HMBOX1: variants seen among roughly 807,000 people sequenced by gnomAD.
HMBOX1 encodes homeobox containing 1, also known as homeobox-containing protein 1.
HMBOX1 carries 14 observed loss-of-function variants against 54.5 expected under a neutral mutation model. The ratio of observed to expected loss-of-function variants is 0.26; its 90% CI spans 0.17 to 0.40. The LOEUF is 0.40. Among genes scored for constraint, HMBOX1 ranks in the 10% least tolerant of loss-of-function variants. The probability of loss-of-function intolerance (pLI) is 1.00; values close to 1 mark genes in which losing one functional copy is unlikely to be tolerated. For synonymous variants in HMBOX1, 160 were observed against 181.0 expected (o/e 0.88, Z 0.93); for missense variants, 332 against 514.4 (o/e 0.65, Z 3.43).
At chr8:28,959,608 A>G (rs1220157912) in intron 1 of HMBOX1, among the ~76,000 whole-genome samples, 2 of 152,146 alleles carry the variant, frequency 1.3e-5, no homozygotes, top group Non-Finnish European at 2.9e-5. Context: ...GATCTTTTAC[A>G]TTTAATTTTT....
intron 6 of HMBOX1, among the ~76,000 whole-genome samples, chr8:29,041,211 G>A (rs375583776): frequency 9.2e-5 from 14 of 152,242 alleles, no homozygotes; most frequent in East Asian, 7.7e-4. Context: ...CCAAGAAAAA[G>A]TGAAAATCAT....
chr8:28,973,216 G>A (rs1459701732), intron 3 of HMBOX1, among the ~76,000 whole-genome samples: 1 of 152,116 alleles, frequency 6.6e-6, no homozygotes, highest in East Asian at 1.9e-4. Flanking sequence ...AAACCATGAT[G>A]TGAGGTTGAT....
intron 6 of HMBOX1, among the ~76,000 whole-genome samples, chr8:29,033,978 T>G (rs536897101): frequency 2.7e-4 from 41 of 152,330 alleles, no homozygotes; most frequent in African/African-American, 9.6e-4. Context: ...TTTATTGAGC[T>G]TCTACTTTGT....
intron 1 of HMBOX1, among the ~76,000 whole-genome samples, chr8:28,921,335 C>G (rs1252665875): frequency 6.6e-6 from 1 of 152,170 alleles, no homozygotes; most frequent in East Asian, 1.9e-4. Context: ...GACCCTGTCT[C>G]AATCATACCT....
intron 1 of HMBOX1, among the ~76,000 whole-genome samples, chr8:28,946,205 G>A (rs1194322608): frequency 2.0e-5 from 3 of 151,440 alleles, no homozygotes; most frequent in Non-Finnish European, 4.4e-5. Flanking sequence ...CACCCGCCTC[G>A]GCTTCCCAAA....
In HMBOX1 at chr8:28,986,631, G is replaced by C. The variant is rs186060711; in HGVS notation, c.586+6475G>C. Among the ~76,000 whole-genome samples the C allele has an allele frequency of 5.9e-5, 9 of 152,238 alleles. No homozygotes were observed. In the East Asian group the frequency reaches 1.7e-3, roughly 29 times the overall value. ...GGAAGAGGTTTAGAGTTTTTGTTAG[G>C]AGAAACCTTTTCAAATCTTCTTTGA... On this transcript the variant is annotated intron_variant, in intron 4 of 9. Transcript: ENST00000287701.
chr8:28,896,810 C>T (rs73239195), intron 1 of HMBOX1, among the ~76,000 whole-genome samples: 3,801 of 152,204 alleles, frequency 0.025, 159 homozygotes, highest in Admixed American at 0.12. Context: ...CCTAATGGTG[C>T]GTTTCTCAGA....
At chr8:29,044,093 A>G (rs1805232591) in intron 6 of HMBOX1, among the ~76,000 whole-genome samples, 1 of 152,164 alleles carries the variant, frequency 6.6e-6, no homozygotes, top group Non-Finnish European at 1.5e-5. Flanking sequence ...CAGTGAAGCC[A>G]TGCCCTCCAA....
intron 4 of HMBOX1, among the ~76,000 whole-genome samples, chr8:28,993,309 C>T (rs1292477838): frequency 6.6e-6 from 1 of 152,010 alleles, no homozygotes; most frequent in Non-Finnish European, 1.5e-5. Context: ...GATATACATA[C>T]TCTTGTATGA....
chr8:28,908,622 G>GC (rs1395235397), intron 1 of HMBOX1, among the ~76,000 whole-genome samples: 1 of 152,134 alleles, frequency 6.6e-6, no homozygotes, highest in Non-Finnish European at 1.5e-5. Flanking sequence ...GGGCATGGTG[G>GC]CGCATGCCTG....
intron 1 of HMBOX1, among the ~76,000 whole-genome samples, chr8:28,953,765 T>C (rs1324274877): frequency 6.6e-6 from 1 of 152,202 alleles, no homozygotes; most frequent in Non-Finnish European, 1.5e-5. Context: ...AGATTGGCCA[T>C]GATTTGCTAA....
intron 4 of HMBOX1, among the ~76,000 whole-genome samples, 188 bp downstream of exon 4, chr8:28,980,344 T>G (rs975518377): frequency 6.6e-6 from 1 of 152,238 alleles, no homozygotes; most frequent in Non-Finnish European, 1.5e-5. Context: ...TTTTTTTGAC[T>G]TGTGCTAGTA....
intron 3 of HMBOX1, among the ~76,000 whole-genome samples, chr8:28,975,891 G>A (rs1458997966): frequency 2.0e-5 from 3 of 152,092 alleles, no homozygotes; most frequent in Non-Finnish European, 4.4e-5. Flanking sequence ...CTACCAAAGT[G>A]GTGATTTCAT....
chr8:28,966,498 A>G (rs894252603), intron 2 of HMBOX1, among the ~76,000 whole-genome samples: 16 of 152,164 alleles, frequency 1.1e-4, no homozygotes, highest in Admixed American at 2.6e-4. Context: ...CTTACATGTT[A>G]TCTTTTTCTG....
intron 2 of HMBOX1, among the ~76,000 whole-genome samples, chr8:28,967,167 G>T (rs1188158465): frequency 6.6e-6 from 1 of 152,170 alleles, no homozygotes; most frequent in Non-Finnish European, 1.5e-5. Context: ...GAAAATTATG[G>T]GGAGAGCAAG....
At chr8:29,020,622 C>G (rs1314951921) in intron 6 of HMBOX1, among the ~76,000 whole-genome samples, 1 of 152,164 alleles carries the variant, frequency 6.6e-6, no homozygotes, top group African/African-American at 2.4e-5. Context: ...TTTTATGTTA[C>G]CTGGCACAAC....
At chr8:28,900,121 C>T (rs905338038) in intron 1 of HMBOX1, among the ~76,000 whole-genome samples, 5 of 150,810 alleles carry the variant, frequency 3.3e-5, no homozygotes, top group African/African-American at 1.2e-4. Flanking sequence ...CATCATGGCG[C>T]GCCTGTAATC....
chr8:29,029,070 C>A (rs1445966770), intron 6 of HMBOX1, among the ~76,000 whole-genome samples: 2 of 152,026 alleles, frequency 1.3e-5, no homozygotes, highest in Non-Finnish European at 2.9e-5. Flanking sequence ...GAAGAAATAA[C>A]TTCTAGTAGG....
intron 4 of HMBOX1, among the ~76,000 whole-genome samples, chr8:28,991,278 A>G (rs997013431): frequency 5.3e-5 from 8 of 152,338 alleles, no homozygotes; most frequent in African/African-American, 1.7e-4. Flanking sequence ...TACTCATGGC[A>G]GGAATATTTT....
Sources: gnomAD v4.1 joint callset for allele counts (sites outside exome capture counted in the v4.1 genomes callset) on GRCh38, gnomAD v4.1.1 for gene constraint, MANE v1.5 for transcripts, NCBI Gene and HGNC (gene_info 2026-07-23, HGNC 2026-07-21) for gene names.